DCAF5: variants seen among roughly 807,000 people sequenced by gnomAD.
The protein encoded by DCAF5 is DDB1 and CUL4 associated factor 5.
A neutral mutation model predicts 80.7 loss-of-function variants in DCAF5; 9 were observed. The observed-to-expected ratio is 0.11, with a 90% CI of 0.07 to 0.19. DCAF5 has a LOEUF of 0.19. Ranked by LOEUF, DCAF5 falls within the 10% of genes least tolerant of loss-of-function variation. The probability of loss-of-function intolerance (pLI) is 1.00; values close to 1 mark genes in which losing one functional copy is unlikely to be tolerated. For synonymous variants in DCAF5, 433 were observed against 461.9 expected, an observed-to-expected ratio of 0.94 and a Z score of 0.80; for missense variants, 842 against 1,205.7, an observed-to-expected ratio of 0.70 and a Z score of 4.47.
rs767112073 is a variant in DCAF5, at chr14:69,054,024, T to C, written c.2662A>G (p.Met888Val). The change falls in exon 9 of 9, where the codon ATG becomes GTG. Residue 888 changes from methionine to valine, a missense_variant. Physicochemically the swap from Met to Val is conservative, Grantham distance 21. Around this residue, in one of 5 missense-constraint regions of DCAF5, gnomAD observed 607 missense variants for 656.6 expected, o/e 0.92. Coordinates refer to ENST00000341516, the MANE Select transcript of DCAF5 (RefSeq NM_003861.3). Reference protein sequence around the residue: ...LLHKDCCGSEMACETPNAGTR... With the variant: ...LLHKDCCGSEVACETPNAGTR... ...CCAGCATTGGGGGTCTCACAGGCCATTTCAGACCCGCAACAATCTTTGTGT... is the reference window on the plus strand; with the variant it reads ...CCAGCATTGGGGGTCTCACAGGCCACTTCAGACCCGCAACAATCTTTGTGT... The C allele has an allele frequency of 2.5e-6, 4 of 1,612,822 alleles. No homozygotes were observed. In the African/African-American group the frequency reaches 5.3e-5, roughly 22 times the overall value.
intron 8 of DCAF5, among the ~76,000 whole-genome samples, chr14:69,058,009 T>C (rs1003371680): frequency 1.3e-5 from 2 of 152,222 alleles, no homozygotes; most frequent in African/African-American, 4.8e-5. Flanking sequence ...TGATGTTTTC[T>C]CTTTCATTTG....
intron 5 of DCAF5, among the ~76,000 whole-genome samples, chr14:69,092,199 T>G (rs1408528436): frequency 2.0e-5 from 3 of 152,190 alleles, no homozygotes; most frequent in Non-Finnish European, 4.4e-5. Flanking sequence ...CCAAGCTAAC[T>G]GCACAACCAA....
chr14:69,067,714 G>C (rs1389818556), intron 7 of DCAF5, among the ~76,000 whole-genome samples: 1 of 151,414 alleles, frequency 6.6e-6, no homozygotes, highest in East Asian at 1.9e-4. Context: ...TCGGCTCACT[G>C]CAACCTTCAC....
intron 1 of DCAF5, among the ~76,000 whole-genome samples, chr14:69,123,059 C>A (rs1013929964): frequency 6.6e-6 from 1 of 152,158 alleles, no homozygotes; most frequent in African/African-American, 2.4e-5. Context: ...CAAACCATAG[C>A]AAGCTCTACA....
chr14:69,101,769 T>C (rs535768957), intron 5 of DCAF5, among the ~76,000 whole-genome samples: 4 of 152,338 alleles, frequency 2.6e-5, no homozygotes, highest in South Asian at 4.1e-4. Flanking sequence ...CTGTACAGCA[T>C]GTTACTATAT....
chr14:69,059,199 C>T (rs1489402241), intron 8 of DCAF5, among the ~76,000 whole-genome samples: 1 of 152,154 alleles, frequency 6.6e-6, no homozygotes, highest in East Asian at 1.9e-4. Context: ...ATCGTCCCAC[C>T]TCAGCCTCCC....
At chr14:69,099,120 T>A (rs1206951957) in intron 5 of DCAF5, among the ~76,000 whole-genome samples, 1 of 151,160 alleles carries the variant, frequency 6.6e-6, no homozygotes, top group South Asian at 2.1e-4. Context: ...GGCATGGTGG[T>A]CCACACCTGT....
At chr14:69,116,342 C>T (rs1218430922) in intron 5 of DCAF5, 24 bp downstream of exon 5, 1 of 1,601,890 alleles carries the variant, frequency 6.2e-7, no homozygotes, top group South Asian at 1.1e-5. Flanking sequence ...AAAGTTTTAA[C>T]ACCTATGAAT....
chr14:69,095,686 A>C (rs2139983076), intron 5 of DCAF5, among the ~76,000 whole-genome samples: 1 of 152,358 alleles, frequency 6.6e-6, no homozygotes, highest in Admixed American at 6.5e-5. Context: ...GTTTCCAGGG[A>C]AAGTGATTGA....
intron 7 of DCAF5, among the ~76,000 whole-genome samples, chr14:69,066,547 T>C (rs1216904502): frequency 1.3e-5 from 2 of 152,162 alleles, no homozygotes. Flanking sequence ...TATAACCATA[T>C]CTATTGCAAG....
chr14:69,151,622 G>A (rs888938630), intron 1 of DCAF5, among the ~76,000 whole-genome samples: 45 of 152,278 alleles, frequency 3.0e-4, no homozygotes, highest in African/African-American at 1.1e-3. Flanking sequence ...CCAGGTTTCG[G>A]GGAGCCGCCC....
At chr14:69,090,045 T>C in intron 6 of DCAF5, 1 of 985,412 alleles carries the variant, frequency 1.0e-6, no homozygotes, top group Non-Finnish European at 1.2e-6. Context: ...TCCCTCAGCC[T>C]CTGGTTTCTG....
chr14:69,090,948 C>T, intron 6 of DCAF5: 8 of 608,510 alleles, frequency 1.3e-5, no homozygotes, highest in South Asian at 3.9e-5. Flanking sequence ...GTCTTTCTTC[C>T]CATTTGTCTT....
intron 6 of DCAF5, among the ~76,000 whole-genome samples, chr14:69,082,433 C>A (rs1305331342): frequency 6.7e-6 from 1 of 149,750 alleles, no homozygotes; most frequent in Non-Finnish European, 1.5e-5. Flanking sequence ...TTAAAATAAC[C>A]AACCTTTATG....
chr14:69,120,262 ATTT>A (rs951077834), intron 2 of DCAF5, among the ~76,000 whole-genome samples: 1 of 151,506 alleles, frequency 6.6e-6, no homozygotes, highest in African/African-American at 2.4e-5. Context: ...TAAAAAAAAA[ATTT>A]TTTTTGTAGA....
Position 69,054,664 on chromosome 14 carries a change from G to A in DCAF5, c.2022C>T (p.Tyr674=), listed in dbSNP as rs1273594282. Residue 674 remains tyrosine, a synonymous_variant, in exon 9 of 9, where the codon TAC becomes TAT. Coordinates refer to ENST00000341516, the MANE Select transcript of DCAF5 (RefSeq NM_003861.3). ...YKWLRYSYIS[Y]SNNKDGETSL... ...AGGTCTCTCCATCTTTGTTATTTGA[G>A]TAGGAGATATAAGAGTAGCGGAGCC... The A allele has an allele frequency of 1.2e-6, 2 of 1,614,234 alleles. No individual in the cohort carries two copies. The highest frequency in any genetic ancestry group is 1.1e-5 in the South Asian group (1 of 91,090).
intron 1 of DCAF5, among the ~76,000 whole-genome samples, chr14:69,128,998 C>A (rs1466192973): frequency 6.6e-6 from 1 of 152,050 alleles, no homozygotes; most frequent in African/African-American, 2.4e-5. Flanking sequence ...CCTTTGTGCC[C>A]AACTCATAAC....
At chr14:69,110,440 A>G (rs925000418) in intron 5 of DCAF5, among the ~76,000 whole-genome samples, 2 of 148,164 alleles carry the variant, frequency 1.3e-5, no homozygotes, top group African/African-American at 4.9e-5. Flanking sequence ...TAATTTTCCT[A>G]TTTTTTTTTA....
rs189467503 is a variant in DCAF5, at chr14:69,108,306, T to C, written c.665+8060A>G. On this transcript the variant is annotated intron_variant, in intron 5 of 8. Coordinates refer to ENST00000341516, the MANE Select transcript of DCAF5 (RefSeq NM_003861.3). ...GATCTAGCAAGGAAGTTTTCCCTGA[T>C]GGATTACCATTTGATCTTGGTAACT... Among the ~76,000 whole-genome samples the C allele has an allele frequency of 8.3e-4, 126 of 152,288 alleles. 4 individuals are homozygous for C. Among genetic ancestry groups the C allele is most frequent in the Admixed American group, 7.0e-3 (107 of 15,298 alleles).
Sources: gnomAD v4.1 joint callset for allele counts (sites outside exome capture counted in the v4.1 genomes callset) on GRCh38, gnomAD v4.1.1 for gene constraint, gnomAD v4.1.1 regional missense constraint, MANE v1.5 for transcripts, NCBI Gene and HGNC (gene_info 2026-07-23, HGNC 2026-07-21) for gene names.